Variants in TNKS observed in about 807,000 individuals in gnomAD.
TNKS encodes the protein tankyrase.
In TNKS, 72 loss-of-function variants were observed where a neutral mutation model predicts 135.8. The ratio of observed to expected loss-of-function variants is 0.53; its 90% CI spans 0.44 to 0.64. The LOEUF (loss-of-function observed/expected upper bound fraction) is 0.64. TNKS is among the 30% of genes least tolerant of loss of function. TNKS has a pLI of 0.00. For synonymous variants in TNKS, 849 were observed against 649.3 expected (o/e 1.31, Z -4.68); for missense variants, 1,769 against 1,674.0 (o/e 1.06, Z -0.99).
intron 3 of TNKS, among the ~76,000 whole-genome samples, chr8:9,636,387 TTAGA>T (rs2128774262): frequency 4.2e-5 from 2 of 47,572 alleles, no homozygotes; most frequent in East Asian, 5.0e-4. Context: ...TTTTCTGACC[TTAGA>T]CAGCCTCTTT....
chr8:9,750,055 A>C (rs949200314), intron 18 of TNKS, among the ~76,000 whole-genome samples: 3 of 152,178 alleles, frequency 2.0e-5, no homozygotes, highest in Non-Finnish European at 4.4e-5. Flanking sequence ...CCTCTCTAAC[A>C]TGGAATCCAA....
rs747152187 is a variant in TNKS, at chr8:9,766,381, A to G, written c.3696A>G (p.Thr1232=). Residue 1232 remains threonine, a synonymous_variant, in exon 25 of 27, where the codon ACA becomes ACG. Coordinates refer to ENST00000310430, the MANE Select transcript of TNKS (RefSeq NM_003747.3). The part of the protein sequence containing the change: ...NQYVYGIGGG[T]GCPTHKDRSC... ...ATGTTTATGGAATTGGAGGAGGAAC[A>G]GGCTGCCCTACACACAAGGACAGGT... is the stretch of plus-strand genomic sequence containing the variant. The G allele has an allele frequency of 1.9e-6, 3 of 1,613,678 alleles. No homozygotes were observed. In the Admixed American group the frequency reaches 5.0e-5, roughly 27 times the overall value.
chr8:9,557,832 AGCATATATCGATC>A (rs1417539793), intron 1 of TNKS: 1 of 152,210 alleles, frequency 6.6e-6, no homozygotes, highest in Admixed American at 6.5e-5. Context: ...ACAAAAGTGA[AGCATATATCGATC>A]GCTTAAATAA....
At chr8:9,559,404 A>T (rs1481952775) in intron 1 of TNKS, among the ~76,000 whole-genome samples, 2 of 152,180 alleles carry the variant, frequency 1.3e-5, no homozygotes, top group African/African-American at 4.8e-5. Flanking sequence ...ATTTTTAAAA[A>T]TGAGTTTACA....
intron 16 of TNKS, 124 bp downstream of exon 16, chr8:9,735,208 T>C: frequency 4.4e-6 from 5 of 1,133,176 alleles, no homozygotes; most frequent in Non-Finnish European, 6.2e-6. Flanking sequence ...TTGATTGACA[T>C]AGTTTTGTAT....
chr8:9,704,715 T>C lies in TNKS; in HGVS notation c.1160T>C (p.Leu387Pro). ...AGYNRVRIVQ[L>P]LLQHGADVHA... ...TACAACAGAGTTCGAATAGTTCAGC[T>C]TCTTCTTCAGCATGGTGCTGATGTT... Residue 387 changes from leucine to proline, a missense_variant, in exon 6 of 27, where the codon CTT (leucine) becomes CCT (proline). Physicochemically the swap from Leu to Pro is moderately conservative, Grantham distance 98. This residue lies in a region of TNKS where 523 missense variants were observed against 541.0 expected (regional missense o/e 0.97). Transcript: ENST00000310430. 6.2e-7 allele frequency: 1 copy of C among 1,613,614 alleles called. No homozygotes were observed.
intron 5 of TNKS, among the ~76,000 whole-genome samples, chr8:9,694,408 CAT>C (rs1278623494): frequency 6.6e-6 from 1 of 152,086 alleles, no homozygotes; most frequent in Non-Finnish European, 1.5e-5. Flanking sequence ...TATTTTGGAA[CAT>C]GTGTAAGAGT....
intron 5 of TNKS, among the ~76,000 whole-genome samples, chr8:9,700,320 AAAG>A (rs1225897367): frequency 6.6e-6 from 1 of 152,190 alleles, no homozygotes; most frequent in African/African-American, 2.4e-5. Flanking sequence ...TGATTTTGAG[AAAG>A]AAGAAGATCC....
chr8:9,749,416 T>G (rs1472422182), intron 18 of TNKS, among the ~76,000 whole-genome samples: 1 of 152,062 alleles, frequency 6.6e-6, no homozygotes. Context: ...GGCCCAGTTC[T>G]GCTCCCAGGG....
At chr8:9,682,972 A>G (rs1308343244) in intron 5 of TNKS, among the ~76,000 whole-genome samples, 11 of 152,014 alleles carry the variant, frequency 7.2e-5, no homozygotes, top group Admixed American at 7.2e-4. Context: ...ATGTACTCAT[A>G]CTTTTTTAGA....
intron 2 of TNKS, among the ~76,000 whole-genome samples, chr8:9,602,050 C>G (rs997515460): frequency 6.6e-5 from 10 of 152,004 alleles, no homozygotes; most frequent in Non-Finnish European, 1.3e-4. Context: ...TTAGCTATAT[C>G]TGGGGACATG....
chr8:9,603,236 A>T (rs904427726), intron 2 of TNKS, among the ~76,000 whole-genome samples: 2 of 152,108 alleles, frequency 1.3e-5, no homozygotes, highest in Admixed American at 1.3e-4. Flanking sequence ...TATTTTGGGT[A>T]GAGACAGGTT....
At chr8:9,654,570 G>C (rs1339943837) in intron 3 of TNKS, among the ~76,000 whole-genome samples, 1 of 152,138 alleles carries the variant, frequency 6.6e-6, no homozygotes, top group African/African-American at 2.4e-5. Context: ...TTTTACTTTA[G>C]ATGTTCATCA....
At chr8:9,717,885 G>A (rs750524626) in intron 11 of TNKS, among the ~76,000 whole-genome samples, 8 of 152,076 alleles carry the variant, frequency 5.3e-5, no homozygotes, top group Admixed American at 5.2e-4. Context: ...GAAATCTCAT[G>A]AAGAAAATAG....
intron 11 of TNKS, 128 bp from the exon 12 acceptor site, chr8:9,720,246 T>C (rs1001396973): frequency 1.5e-5 from 13 of 847,900 alleles, no homozygotes; most frequent in Admixed American, 3.7e-5. Context: ...AAGTTTATAA[T>C]CAATATCTAT....
At chr8:9,735,169 C>T (rs1393036252) in intron 16 of TNKS, 85 bp downstream of exon 16, 3 of 1,357,312 alleles carry the variant, frequency 2.2e-6, no homozygotes, top group Middle Eastern at 2.5e-4. Context: ...CCATGCTGAA[C>T]ACAAATGGGA....
chr8:9,734,007 G>T (rs963623055), intron 15 of TNKS, among the ~76,000 whole-genome samples: 2 of 151,892 alleles, frequency 1.3e-5, no homozygotes. Flanking sequence ...TTTAAAAAAC[G>T]ACCAGATGTG....
Position 9,679,663 on chromosome 8 carries a change from T to C in TNKS, c.995-288T>C, listed in dbSNP as rs1488962312. ...ACATTGTCTTCAGCTGGCATGCTGT[T>C]ATCAGAGGGAATGTGTTTCTGGACA... On this transcript the variant is annotated intron_variant, in intron 3 of 26. Coordinates refer to ENST00000310430, the MANE Select transcript of TNKS (RefSeq NM_003747.3). The C allele has an allele frequency of 1.4e-5, 5 of 348,992 alleles. No homozygotes were observed. The East Asian group carries it at 2.4e-4, about 17-fold the overall frequency. 21.6% of individuals were successfully genotyped at this position (348,992 alleles called of 1,614,324 possible). A position where few individuals can be genotyped will look rare whatever the true frequency, so the allele number is the denominator to read the frequency against.
At chr8:9,595,062 T>A (rs536117181) in intron 2 of TNKS, among the ~76,000 whole-genome samples, 3 of 152,182 alleles carry the variant, frequency 2.0e-5, no homozygotes, top group Non-Finnish European at 4.4e-5. Context: ...TCTTTCCTTT[T>A]CCTGCCAGAA....
Sources: gnomAD v4.1 joint callset for allele counts (sites outside exome capture counted in the v4.1 genomes callset) on GRCh38, gnomAD v4.1.1 for gene constraint, gnomAD v4.1.1 regional missense constraint, MANE v1.5 for transcripts, NCBI Gene and HGNC (gene_info 2026-07-23, HGNC 2026-07-21) for gene names.